The following GALNT13 variants were observed in gnomAD, a reference collection of about 807,000 sequenced individuals.
The protein encoded by GALNT13 is UDP-GalNAc:polypeptide N-acetylgalactosaminyltransferase 13.
GALNT13 carries 28 observed loss-of-function variants against 64.2 expected under a neutral mutation model. That is an observed-to-expected ratio of 0.44 (90% CI 0.32 to 0.60). GALNT13 has a LOEUF of 0.60. Among genes scored for constraint, GALNT13 ranks in the 20% least tolerant of loss-of-function variants. The pLI is 0.05. For synonymous variants in GALNT13, 214 were observed against 224.6 expected (o/e 0.95, Z 0.42); for missense variants, 577 against 669.8 (o/e 0.86, Z 1.53).
chr2:154,133,894 A>G (rs990090362), intron 3 of GALNT13, among the ~76,000 whole-genome samples: 1 of 152,090 alleles, frequency 6.6e-6, no homozygotes, highest in African/African-American at 2.4e-5. Flanking sequence ...TTTCATGTAA[A>G]TTTTGCAATG....
At chr2:153,537,331 G>A in the GALNT13 span, among the ~76,000 whole-genome samples, 1 of 152,178 alleles carries the variant, frequency 6.6e-6, no homozygotes, top group Admixed American at 6.5e-5. Context: ...CTCTTTTTAA[G>A]GCTGTGTCAA....
At chr2:153,930,618 T>A (rs1165068010) in intron 2 of GALNT13, among the ~76,000 whole-genome samples, 1 of 152,162 alleles carries the variant, frequency 6.6e-6, no homozygotes, top group Non-Finnish European at 1.5e-5. Flanking sequence ...TTGTTGAAGA[T>A]CAGATGGCTG....
At chr2:153,897,913 T>C (rs1259281397) in intron 1 of GALNT13, among the ~76,000 whole-genome samples, 1 of 150,734 alleles carries the variant, frequency 6.6e-6, no homozygotes, top group Non-Finnish European at 1.5e-5. Flanking sequence ...TATAAATGCC[T>C]TACTTGCTTT....
intron 3 of GALNT13, among the ~76,000 whole-genome samples, chr2:154,082,747 T>G (rs1701334549): frequency 6.6e-6 from 1 of 151,924 alleles, no homozygotes; most frequent in African/African-American, 2.4e-5. Context: ...TGCCCACTTT[T>G]TGATGGGTTT....
At chr2:154,184,029 A>T (rs1005652079) in intron 4 of GALNT13, among the ~76,000 whole-genome samples, 1 of 151,830 alleles carries the variant, frequency 6.6e-6, no homozygotes, top group East Asian at 1.9e-4. Flanking sequence ...AGAGATTCTC[A>T]CTTGTTATAA....
the GALNT13 span, among the ~76,000 whole-genome samples, chr2:153,316,332 T>G: frequency 6.6e-6 from 1 of 152,064 alleles, no homozygotes; most frequent in African/African-American, 2.4e-5. Context: ...AAATAATAAT[T>G]TTTTTAAACG....
chr2:153,825,607 G>GGTGTGT, the GALNT13 span, among the ~76,000 whole-genome samples: 14 of 114,896 alleles, frequency 1.2e-4, no homozygotes, highest in African/African-American at 4.5e-4. Flanking sequence ...TTCCATGAGT[G>GGTGTGT]CTGTGTGTGT....
the GALNT13 span, among the ~76,000 whole-genome samples, chr2:153,787,590 G>C: frequency 6.6e-6 from 1 of 152,142 alleles, no homozygotes; most frequent in Non-Finnish European, 1.5e-5. Flanking sequence ...TTCTTAACTA[G>C]GGTGAGTTTG....
the GALNT13 span, among the ~76,000 whole-genome samples, chr2:153,135,769 T>C: frequency 6.6e-6 from 1 of 152,170 alleles, no homozygotes; most frequent in East Asian, 1.9e-4. Flanking sequence ...TAGGGGGCAC[T>C]TATTAGGGTA....
At chr2:153,956,362 T>A (rs1692568784) in intron 3 of GALNT13, among the ~76,000 whole-genome samples, 3 of 152,156 alleles carry the variant, frequency 2.0e-5, no homozygotes, top group Admixed American at 2.0e-4. Context: ...CTTAAGAAAA[T>A]TTGGTTCAGA....
At chr2:154,167,319 A>G (rs1685085654) in intron 4 of GALNT13, among the ~76,000 whole-genome samples, 1 of 152,154 alleles carries the variant, frequency 6.6e-6, no homozygotes, top group African/African-American at 2.4e-5. Flanking sequence ...ATTAGAAAAC[A>G]TAGCATGGTC....
At chr2:154,101,386 C>T (rs1593244) in intron 3 of GALNT13, among the ~76,000 whole-genome samples, 55,957 of 151,488 alleles carry the variant, frequency 0.37, 10,680 homozygotes, top group Non-Finnish European at 0.41. Context: ...TCTAGGAAGG[C>T]GGTATGTTTA....
At chr2:154,203,480 CATAG>C (rs1407123710) in intron 4 of GALNT13, among the ~76,000 whole-genome samples, 2 of 152,060 alleles carry the variant, frequency 1.3e-5, no homozygotes, top group Admixed American at 6.6e-5. Flanking sequence ...TAGATAGATA[CATAG>C]ATAGATTTTT....
intron 2 of GALNT13, among the ~76,000 whole-genome samples, chr2:153,942,943 T>G (rs2105381426): frequency 6.6e-6 from 1 of 152,294 alleles, no homozygotes; most frequent in South Asian, 2.1e-4. Context: ...TTATGAAATA[T>G]TTCAAGTGTC....
At chr2:153,213,156 T>G in the GALNT13 span, among the ~76,000 whole-genome samples, 2 of 152,314 alleles carry the variant, frequency 1.3e-5, no homozygotes, top group Non-Finnish European at 2.9e-5. Flanking sequence ...CCCTGGAACT[T>G]TATTACTCAG....
At chr2:154,121,788 C>T (rs1681957875) in intron 3 of GALNT13, among the ~76,000 whole-genome samples, 1 of 151,796 alleles carries the variant, frequency 6.6e-6, no homozygotes, top group Non-Finnish European at 1.5e-5. Context: ...GACAATATGT[C>T]ATGTGCAAGT....
At chr2:154,169,185 C>A (rs902029799) in intron 4 of GALNT13, among the ~76,000 whole-genome samples, 1 of 152,094 alleles carries the variant, frequency 6.6e-6, no homozygotes, top group Non-Finnish European at 1.5e-5. Context: ...CCCATTAGGC[C>A]TACCTCCAAC....
the GALNT13 span, among the ~76,000 whole-genome samples, chr2:153,345,602 C>A: frequency 7.8e-6 from 1 of 128,326 alleles, no homozygotes; most frequent in Non-Finnish European, 1.8e-5. Flanking sequence ...ACGTGCCCTC[C>A]CATTTCTTTT....
At chr2:153,336,053 C>A in the GALNT13 span, among the ~76,000 whole-genome samples, 1 of 152,152 alleles carries the variant, frequency 6.6e-6, no homozygotes, top group Non-Finnish European at 1.5e-5. Context: ...GGACAGACAT[C>A]AAGAATTGAG....
Sources: gnomAD v4.1 joint callset for allele counts (sites outside exome capture counted in the v4.1 genomes callset) on GRCh38, gnomAD v4.1.1 for gene constraint, MANE v1.5 for transcripts, NCBI Gene and HGNC (gene_info 2026-07-23, HGNC 2026-07-21) for gene names.